RAB22A: variants seen among roughly 807,000 people sequenced by gnomAD.
RAB22A encodes the protein RAB22A, member RAS oncogene family.
A neutral mutation model predicts 30.2 loss-of-function variants in RAB22A; 13 were observed. The observed-to-expected ratio is 0.43, with a 90% CI of 0.28 to 0.68. The LOEUF is 0.68. Among genes scored for constraint, RAB22A ranks in the 30% least tolerant of loss-of-function variants. RAB22A has a pLI of 0.18. For synonymous variants in RAB22A, 89 were observed against 87.2 expected (o/e 1.02, Z -0.11); for missense variants, 177 against 246.8 (o/e 0.72, Z 1.89).
At chr20:58,312,770 G>A (rs981181198) in intron 2 of RAB22A, among the ~76,000 whole-genome samples, 2 of 151,926 alleles carry the variant, frequency 1.3e-5, no homozygotes, top group Non-Finnish European at 2.9e-5. Flanking sequence ...GATTACAGGC[G>A]TGAGCCACCG....
Position 58,354,213 on chromosome 20 carries a change from A to G in RAB22A, c.435A>G (p.Val145=), listed in dbSNP as rs759870210. The change falls in exon 6 of 7, where the codon GTA becomes GTG. Residue 145 remains valine, a synonymous_variant. Transcript: ENST00000244040. Reference sequence around the variant, plus strand: ...CCGACTCTATTCATGCAATTTTTGTAGAGACCAGCGCAAAAAACGCGATAA... The same window carrying G: ...CCGACTCTATTCATGCAATTTTTGTGGAGACCAGCGCAAAAAACGCGATAA... The part of the protein sequence containing the change: ...DYADSIHAIF[V]ETSAKNAINI... 8 of 1,613,920 alleles carry G rather than the reference A, an allele frequency of 5.0e-6. No individual in the cohort carries two copies. The highest frequency in any genetic ancestry group is 6.8e-6 in the Non-Finnish European group (8 of 1,179,838).
chr20:58,347,964 C>T (rs1305483596), intron 3 of RAB22A, among the ~76,000 whole-genome samples: 1 of 152,222 alleles, frequency 6.6e-6, no homozygotes, highest in African/African-American at 2.4e-5. Flanking sequence ...TAGTGGCTCA[C>T]GCCTGTAATC....
intron 2 of RAB22A, among the ~76,000 whole-genome samples, chr20:58,339,413 A>G (rs960917783): frequency 6.6e-5 from 10 of 152,242 alleles, no homozygotes; most frequent in Middle Eastern, 3.2e-3. Context: ...AAAGCAAGAT[A>G]TTAAAGTTAT....
chr20:58,330,112 A>G (rs1438961304), intron 2 of RAB22A, among the ~76,000 whole-genome samples: 2 of 152,232 alleles, frequency 1.3e-5, no homozygotes, highest in Non-Finnish European at 2.9e-5. Context: ...GAGAGGATAC[A>G]TGTAGGTTAT....
intron 2 of RAB22A, among the ~76,000 whole-genome samples, chr20:58,312,462 G>A (rs859488): frequency 0.5 from 64,697 of 129,334 alleles, 17,322 homozygotes; most frequent in South Asian, 0.68. Context: ...ATGTTACTCC[G>A]GCTGGTTTTC....
At chr20:58,344,182 A>G (rs556186063) in intron 3 of RAB22A, among the ~76,000 whole-genome samples, 1 of 152,350 alleles carries the variant, frequency 6.6e-6, no homozygotes, top group African/African-American at 2.4e-5. Context: ...TGCCTTTTAA[A>G]AGCTAAAGAG....
At chr20:58,345,431 C>T (rs1278223573) in intron 3 of RAB22A, 1 of 152,252 alleles carries the variant, frequency 6.6e-6, no homozygotes, top group African/African-American at 2.4e-5. Flanking sequence ...GGTTCTGCAA[C>T]AGGAGTAGTT....
intron 2 of RAB22A, among the ~76,000 whole-genome samples, chr20:58,328,680 A>G (rs1384152283): frequency 6.6e-6 from 1 of 152,176 alleles, no homozygotes; most frequent in Non-Finnish European, 1.5e-5. Flanking sequence ...AACCAGCCCT[A>G]GCTCTCTTTT....
intron 2 of RAB22A, among the ~76,000 whole-genome samples, chr20:58,322,067 G>A (rs992622461): frequency 6.6e-6 from 1 of 152,168 alleles, no homozygotes; most frequent in Non-Finnish European, 1.5e-5. Context: ...CAAAGGGCTG[G>A]GATGACAGGC....
chr20:58,338,656 C>T (rs560994084), intron 2 of RAB22A, among the ~76,000 whole-genome samples: 1 of 152,300 alleles, frequency 6.6e-6, no homozygotes, highest in Admixed American at 6.5e-5. Flanking sequence ...TAACATAAGC[C>T]AAATGTGCGC....
At chr20:58,323,766 C>T (rs1046852776) in intron 2 of RAB22A, among the ~76,000 whole-genome samples, 1 of 151,678 alleles carries the variant, frequency 6.6e-6, no homozygotes, top group East Asian at 1.9e-4. Flanking sequence ...CACCACCATG[C>T]CCAGCAGAAG....
chr20:58,349,227 C>G (rs2122964279), intron 3 of RAB22A, among the ~76,000 whole-genome samples: 1 of 152,316 alleles, frequency 6.6e-6, no homozygotes, highest in African/African-American at 2.4e-5. Flanking sequence ...CACTGCAGAG[C>G]AACCAAATGC....
intron 2 of RAB22A, among the ~76,000 whole-genome samples, chr20:58,314,095 C>T (rs1019582392): frequency 1.3e-4 from 19 of 150,330 alleles, no homozygotes; most frequent in African/African-American, 3.9e-4. Flanking sequence ...ATTACCCAGG[C>T]TGGATTGTAA....
At chr20:58,336,741 G>C (rs1217430722) in intron 2 of RAB22A, among the ~76,000 whole-genome samples, 1 of 152,056 alleles carries the variant, frequency 6.6e-6, no homozygotes, top group Non-Finnish European at 1.5e-5. Flanking sequence ...AATACAAATG[G>C]AGCAGCATAA....
intron 2 of RAB22A, among the ~76,000 whole-genome samples, chr20:58,320,916 G>A (rs558384340): frequency 6.6e-6 from 1 of 152,298 alleles, no homozygotes; most frequent in East Asian, 1.9e-4. Context: ...AATTGGCTGG[G>A]CTCAGTGGCT....
At chr20:58,335,132 G>GAC (rs1470740056) in intron 2 of RAB22A, among the ~76,000 whole-genome samples, 14 of 152,204 alleles carry the variant, frequency 9.2e-5, no homozygotes, top group African/African-American at 3.4e-4. Flanking sequence ...AAAGAAGCTA[G>GAC]ACACAATAGA....
chr20:58,340,361 C>A (rs768973181), intron 2 of RAB22A, among the ~76,000 whole-genome samples: 10 of 152,128 alleles, frequency 6.6e-5, no homozygotes, highest in Non-Finnish European at 1.3e-4. Context: ...CTCAGCCTTG[C>A]ACTAGTTGAG....
rs530380347 is a variant in RAB22A at position 58,364,240 on chromosome 20, G to T, written c.*4537G>T. Reference sequence around the variant, plus strand: ...CCAAGAATCTTCATCTATCTCTGTTGGTCTTTCAGGATTCTCTTAGCATAT... The same window carrying T: ...CCAAGAATCTTCATCTATCTCTGTTTGTCTTTCAGGATTCTCTTAGCATAT... On this transcript the variant is annotated 3_prime_UTR_variant, in exon 7 of 7. Coordinates refer to ENST00000244040, the MANE Select transcript of RAB22A (RefSeq NM_020673.3). The T allele has an allele frequency of 3.9e-5, 6 of 152,396 alleles. No homozygotes were observed. The South Asian group carries it at 1.2e-3, about 32-fold the overall frequency. 9.4% of individuals were successfully genotyped at this position (152,396 alleles called of 1,614,324 possible).
In RAB22A at chr20:58,316,966, C is replaced by T. The variant is rs549200276; in HGVS notation, c.116+5844C>T. ...CTGTCCAAGCCACCTCCCAAATATC[C>T]CTCCTTCTCTATTGCTGTTATATGA... On this transcript the variant is annotated intron_variant, in intron 2 of 6. Transcript: ENST00000244040. 5.3e-5 allele frequency among the ~76,000 whole-genome samples: 8 copies of T among 152,296 alleles called. No homozygotes were observed. In the South Asian group the frequency reaches 8.3e-4, roughly 16 times the overall value.
Sources: gnomAD v4.1 joint callset for allele counts (sites outside exome capture counted in the v4.1 genomes callset) on GRCh38, gnomAD v4.1.1 for gene constraint, MANE v1.5 for transcripts, NCBI Gene and HGNC (gene_info 2026-07-23, HGNC 2026-07-21) for gene names.